Variants in EPS8 observed in about 807,000 individuals in gnomAD.
EPS8 encodes epidermal growth factor receptor kinase substrate 8.
EPS8 carries 42 observed loss-of-function variants against 103.8 expected under a neutral mutation model. The ratio of observed to expected loss-of-function variants is 0.40; its 90% CI spans 0.32 to 0.52. The LOEUF is 0.52. EPS8 is among the 20% of genes least tolerant of loss of function. EPS8 has a pLI of 0.40. For synonymous variants in EPS8, 344 were observed against 344.6 expected, an observed-to-expected ratio of 1.00 and a Z score of 0.02; for missense variants, 969 against 1,005.1, an observed-to-expected ratio of 0.96 and a Z score of 0.49.
chr12:15,639,496 A>G (rs1264211476), intron 17 of EPS8, among the ~76,000 whole-genome samples: 1 of 152,194 alleles, frequency 6.6e-6, no homozygotes, highest in Non-Finnish European at 1.5e-5. Flanking sequence ...ATAAGTACAT[A>G]ATATATATAT....
intron 1 of EPS8, among the ~76,000 whole-genome samples, chr12:15,746,013 C>A (rs1946871674): frequency 6.6e-6 from 1 of 152,164 alleles, no homozygotes; most frequent in African/African-American, 2.4e-5. Flanking sequence ...ATTCTATGAA[C>A]ACCTTTATAG....
rs1167936290 is a variant in EPS8, at chr12:15,663,958, T to A, written c.736+1798A>T. On this transcript the variant is annotated intron_variant, in intron 8 of 20. Coordinates refer to ENST00000281172, the MANE Select transcript of EPS8 (RefSeq NM_004447.6). ...AAAAAAAAAAAAAATAATATATATA[T>A]ATATATATATATATATATACACACA... Among the ~76,000 whole-genome samples the A allele has an allele frequency of 2.7e-3, 148 of 54,584 alleles. 3 individuals carry two copies. Among genetic ancestry groups the A allele is most frequent in the African/African-American group, 0.014 (145 of 10,614 alleles). The allele number at this position is 54,584 out of a possible 152,430, so 35.8% of individuals were successfully genotyped here.
rs752601541 is a variant in EPS8 at position 15,728,797 on chromosome 12, C to T, written c.-21-45825G>A. Among the ~76,000 whole-genome samples the T allele has an allele frequency of 1.9e-4, 29 of 152,088 alleles. No individual in the cohort carries two copies. Among genetic ancestry groups the T allele is most frequent in the Non-Finnish European group, 3.2e-4 (22 of 68,002 alleles). ...TTTAAAGCACAATATATGTTAATAT[C>T]AAACTTTGGTAGCAAAATATTCAAG... is the stretch of plus-strand genomic sequence containing the variant. On this transcript the variant is annotated intron_variant, in intron 1 of 20. Transcript: ENST00000281172. This position sits in a 1 kb window ranked among gnomAD's most constrained non-coding sequence, Gnocchi z 4.5.
chr12:15,644,619 A>G (rs1329173992), intron 15 of EPS8, among the ~76,000 whole-genome samples: 1 of 150,612 alleles, frequency 6.6e-6, no homozygotes, highest in Non-Finnish European at 1.5e-5. Context: ...AATGGCGTGA[A>G]CCCGGGAGGC....
In EPS8 at chr12:15,697,288, C is replaced by G. The variant is rs182889099; in HGVS notation, c.-21-14316G>C. 7.6e-4 allele frequency among the ~76,000 whole-genome samples: 116 copies of G among 152,324 alleles called. 1 individual carries two copies. Among genetic ancestry groups the G allele is most frequent in the African/African-American group, 2.6e-3 (110 of 41,580 alleles). ...ATCACTTACATGGCATAACTGCTGTCCCCCATTCTAAGCCAAATGGTGGTA... is the reference window on the plus strand; with the variant it reads ...ATCACTTACATGGCATAACTGCTGTGCCCCATTCTAAGCCAAATGGTGGTA... On this transcript the variant is annotated intron_variant, in intron 1 of 20. Transcript: ENST00000281172. The surrounding 1 kb of genome is among the most constrained non-coding windows in gnomAD (Gnocchi z 5.6).
chr12:15,644,274 G>T (rs191047227), intron 15 of EPS8, among the ~76,000 whole-genome samples: 1 of 152,108 alleles, frequency 6.6e-6, no homozygotes, highest in Admixed American at 6.6e-5. Context: ...TTTTCTGTAC[G>T]TCACTTTCCT....
rs111516712 is a variant in EPS8, at chr12:15,696,232, A to G, written c.-21-13260T>C. On this transcript the variant is annotated intron_variant, in intron 1 of 20. Transcript: ENST00000281172. The surrounding 1 kb of genome is among the most constrained non-coding windows in gnomAD (Gnocchi z 4.8). Reference sequence around the variant, plus strand: ...CTGAATGAGAATGCTATTATTTATTATATTTCAGGTAGCAGTTTGAACATA... The same window carrying G: ...CTGAATGAGAATGCTATTATTTATTGTATTTCAGGTAGCAGTTTGAACATA... 6.9e-4 allele frequency among the ~76,000 whole-genome samples: 105 copies of G among 152,356 alleles called. 3 individuals carry two copies. The highest frequency in any genetic ancestry group is 2.4e-3 in the African/African-American group (99 of 41,590).
At chr12:15,636,512 A>C (rs1945137300) in intron 17 of EPS8, among the ~76,000 whole-genome samples, 1 of 152,200 alleles carries the variant, frequency 6.6e-6, no homozygotes, top group Non-Finnish European at 1.5e-5. Context: ...GTGGCAATTC[A>C]ACACCTATTC....
intron 1 of EPS8, among the ~76,000 whole-genome samples, chr12:15,707,674 C>T (rs1316935023): frequency 6.6e-6 from 1 of 152,120 alleles, no homozygotes; most frequent in East Asian, 1.9e-4. Context: ...GTGATTTATG[C>T]TCATGATCAG....
intron 1 of EPS8, among the ~76,000 whole-genome samples, chr12:15,786,404 A>G: frequency 6.6e-6 from 1 of 152,062 alleles, no homozygotes; most frequent in East Asian, 1.9e-4. Context: ...CACAGCCAAG[A>G]GGAGCCTAGG....
chr12:15,657,815 A>G, intron 12 of EPS8: 1 of 359,624 alleles, frequency 2.8e-6, no homozygotes, highest in Non-Finnish European at 5.1e-6. Flanking sequence ...AAATACTGGT[A>G]TCCAATAAAT....
In EPS8 at chr12:15,697,349, A is replaced by T. The variant is rs1425538914; in HGVS notation, c.-21-14377T>A. ...GCATGAAGGAAAACTAAACTATTAC[A>T]AACTGCCAATAGCAGTGACAGCAGG... On this transcript the variant is annotated intron_variant, in intron 1 of 20. Transcript: ENST00000281172. This position sits in a 1 kb window ranked among gnomAD's most constrained non-coding sequence, Gnocchi z 5.6. Among the ~76,000 whole-genome samples, 1 of 152,260 alleles carries T rather than the reference A, an allele frequency of 6.6e-6. No individual in the cohort carries two copies. The highest frequency in any genetic ancestry group is 2.4e-5 in the African/African-American group (1 of 41,472).
In EPS8 at chr12:15,735,934, G is replaced by A. The variant is rs1230343589; in HGVS notation, c.-21-52962C>T. Among the ~76,000 whole-genome samples, 2 of 152,198 alleles carry A rather than the reference G, an allele frequency of 1.3e-5. No individual in the cohort carries two copies. On this transcript the variant is annotated intron_variant, in intron 1 of 20. Transcript: ENST00000281172. The surrounding 1 kb of genome is among the most constrained non-coding windows in gnomAD (Gnocchi z 4.4). ...AGGGTCTTGCTCTATTGCCCAGGCT[G>A]AAGTACAGTGTCATTATCATAGCTC... is the stretch of plus-strand genomic sequence containing the variant.
Position 15,659,637 on chromosome 12 carries a change from T to C in EPS8, c.937+977A>G, listed in dbSNP as rs1162686336. On this transcript the variant is annotated intron_variant, in intron 10 of 20. Coordinates refer to ENST00000281172, the MANE Select transcript of EPS8 (RefSeq NM_004447.6). ...GCAGAAGATAAAGCCAAAGGTCATATGCTCATTATACAAATATGTGCTACA... is the reference window on the plus strand; with the variant it reads ...GCAGAAGATAAAGCCAAAGGTCATACGCTCATTATACAAATATGTGCTACA... Among the ~76,000 whole-genome samples the C allele has an allele frequency of 5.3e-5, 8 of 152,328 alleles. No individual in the cohort carries two copies. In the East Asian group the frequency reaches 7.7e-4, roughly 15 times the overall value.
chr12:15,739,770 A>G (rs1946801587), intron 1 of EPS8, among the ~76,000 whole-genome samples: 1 of 152,008 alleles, frequency 6.6e-6, no homozygotes, highest in Admixed American at 6.6e-5. Flanking sequence ...CTTATCATCT[A>G]TCCATCCATC....
chr12:15,638,835 T>C (rs1591809684), intron 17 of EPS8, among the ~76,000 whole-genome samples: 1 of 152,216 alleles, frequency 6.6e-6, no homozygotes, highest in Non-Finnish European at 1.5e-5. Context: ...TTTGGTTCAG[T>C]TTTAGACAGA....
At chr12:15,715,134 C>T (rs912670475) in intron 1 of EPS8, among the ~76,000 whole-genome samples, 2 of 152,178 alleles carry the variant, frequency 1.3e-5, no homozygotes, top group African/African-American at 4.8e-5. Context: ...CCTCACTTCA[C>T]CCAGTATCAC....
In EPS8 at chr12:15,690,501, A is replaced by G. The variant is rs1007390902; in HGVS notation, c.-21-7529T>C. On this transcript the variant is annotated intron_variant, in intron 1 of 20. Coordinates refer to ENST00000281172, the MANE Select transcript of EPS8 (RefSeq NM_004447.6). This position sits in a 1 kb window ranked among gnomAD's most constrained non-coding sequence, Gnocchi z 4.7. Reference sequence around the variant, plus strand: ...TCAACTTCCTCTCTTCCTGCCTGCCATAATATTCTAACATTGATTGTTTTG... The same window carrying G: ...TCAACTTCCTCTCTTCCTGCCTGCCGTAATATTCTAACATTGATTGTTTTG... Among the ~76,000 whole-genome samples, 1 of 152,158 alleles carries G rather than the reference A, an allele frequency of 6.6e-6. No homozygotes were observed. The highest frequency in any genetic ancestry group is 1.5e-5 in the Non-Finnish European group (1 of 68,032).
At chr12:15,670,711 T>A (rs537922560) in intron 4 of EPS8, 145 bp downstream of exon 4, 2 of 556,084 alleles carry the variant, frequency 3.6e-6, no homozygotes, top group Non-Finnish European at 6.4e-6. Flanking sequence ...ATATGTAATA[T>A]CTGTTTTAAA....
Sources: gnomAD v4.1 joint callset for allele counts (sites outside exome capture counted in the v4.1 genomes callset) on GRCh38, gnomAD v4.1.1 for gene constraint, Gnocchi (gnomAD v3.1) non-coding constraint, MANE v1.5 for transcripts, NCBI Gene and HGNC (gene_info 2026-07-23, HGNC 2026-07-21) for gene names.